The following PPP2R3C variants were observed in gnomAD, a reference collection of about 807,000 sequenced individuals.
PPP2R3C encodes the protein protein phosphatase 2 regulatory subunit B''gamma.
A neutral mutation model predicts 63.7 loss-of-function variants in PPP2R3C; 47 were observed. The observed-to-expected ratio is 0.74, with a 90% CI of 0.58 to 0.94. The LOEUF (loss-of-function observed/expected upper bound fraction) is 0.94, where lower values mean the gene tolerates loss of function less well. Among genes scored for constraint, PPP2R3C ranks in the 40% least tolerant of loss-of-function variants. The pLI, the probability that PPP2R3C is intolerant of heterozygous loss-of-function variation, is 0.00. For synonymous variants in PPP2R3C, 180 were observed against 177.4 expected (o/e 1.01, Z -0.12); for missense variants, 421 against 518.4 (o/e 0.81, Z 1.82).
In PPP2R3C at chr14:35,096,609, C is replaced by G. The variant is rs1419218661; in HGVS notation, c.787G>C (p.Glu263Gln). Residue 263 changes from glutamate to glutamine, a missense_variant, in exon 9 of 13, where the codon GAG (glutamate) becomes CAG (glutamine). Physicochemically the swap from Glu to Gln is conservative, Grantham distance 29. Transcript: ENST00000261475. ...LELRDEELSK[E>Q]SQETNWFSAP... ...GAAAACCAATTTGTTTCTTGACTCT[C>G]CTTGGACAGTTCCTCATCCCTTAGC... 2 of 1,613,820 alleles carry G rather than the reference C, an allele frequency of 1.2e-6. No individual in the cohort carries two copies. Among genetic ancestry groups the G allele is most frequent in the Non-Finnish European group, 1.7e-6 (2 of 1,179,884 alleles).
Position 35,096,495 on chromosome 14 carries a change from C to T in PPP2R3C, c.838+63G>A, listed in dbSNP as rs935582540. 7 of 1,469,776 alleles carry T rather than the reference C, an allele frequency of 4.8e-6. No homozygotes were observed. The African/African-American group carries it at 9.8e-5, about 21-fold the overall frequency. 91.0% of individuals were successfully genotyped at this position (1,469,776 alleles called of 1,614,324 possible). A position where few individuals can be genotyped will look rare whatever the true frequency, so the allele number is the denominator to read the frequency against. On this transcript the variant is annotated intron_variant, in intron 9 of 12. Coordinates refer to ENST00000261475, the MANE Select transcript of PPP2R3C (RefSeq NM_017917.4). Reference sequence around the variant, plus strand: ...ATATCAGTGTATGTATAAAACTGTCCTCTGAACACCAATTTCCTGAAGAAT... The same window carrying T: ...ATATCAGTGTATGTATAAAACTGTCTTCTGAACACCAATTTCCTGAAGAAT...
intron 6 of PPP2R3C, among the ~76,000 whole-genome samples, chr14:35,105,218 T>C (rs551618071): frequency 1.8e-3 from 270 of 152,094 alleles, no homozygotes; most frequent in African/African-American, 6.2e-3. Context: ...AGTCCGCTCT[T>C]GTCACCCAGG....
At chr14:35,121,703 T>C (rs1384111535) in intron 1 of PPP2R3C, 199 bp downstream of exon 1, 5 of 571,822 alleles carry the variant, frequency 8.7e-6, no homozygotes, top group Non-Finnish European at 1.6e-5. Context: ...AAGTTTTTCG[T>C]TCCTCTAGAT....
At chr14:35,120,957 A>AT (rs2046864266) in intron 1 of PPP2R3C, among the ~76,000 whole-genome samples, 1 of 152,054 alleles carries the variant, frequency 6.6e-6, no homozygotes, top group Admixed American at 6.6e-5. Flanking sequence ...GAAAAAAAAA[A>AT]GTGTATTTAG....
chr14:35,119,889 C>T (rs1371946694), intron 1 of PPP2R3C, among the ~76,000 whole-genome samples: 32 of 129,046 alleles, frequency 2.5e-4, no homozygotes, highest in African/African-American at 9.2e-4. Context: ...CTCGCTCTGT[C>T]GCCCAGGCTG....
At chr14:35,091,039 A>C in intron 11 of PPP2R3C, 31 bp downstream of exon 11, 1 of 1,574,774 alleles carries the variant, frequency 6.4e-7, no homozygotes. Context: ...ATCTTAAGGA[A>C]CAATGACTCA....
intron 11 of PPP2R3C, among the ~76,000 whole-genome samples, chr14:35,089,822 C>T (rs747964497): frequency 6.8e-4 from 98 of 144,996 alleles, no homozygotes; most frequent in Middle Eastern, 3.5e-3. Flanking sequence ...CCCGCCACCA[C>T]GCCCGGCTGA....
rs751185784 is a variant in PPP2R3C, at chr14:35,096,801, T to G, written c.707-37A>C. The G allele has an allele frequency of 1.9e-5, 29 of 1,518,994 alleles. No individual in the cohort carries two copies. In the Admixed American group the frequency reaches 6.6e-4, roughly 35 times the overall value. 94.1% of individuals were successfully genotyped at this position (1,518,994 alleles called of 1,614,324 possible). A position where few individuals can be genotyped will look rare whatever the true frequency, so the allele number is the denominator to read the frequency against. On this transcript the variant is annotated intron_variant, in intron 7 of 12. Transcript: ENST00000261475. ...TAAAGAAACACAATTAATTTCATTT[T>G]AAGAAAAGAGCAACTCAATTAATTA...
At chr14:35,105,784 G>T (rs565631374) in intron 6 of PPP2R3C, among the ~76,000 whole-genome samples, 4 of 152,154 alleles carry the variant, frequency 2.6e-5, no homozygotes, top group African/African-American at 9.6e-5. Context: ...TGAGCGCAGA[G>T]TATACTATGT....
chr14:35,096,412 A>C, intron 9 of PPP2R3C, 146 bp downstream of exon 9: 2 of 780,894 alleles, frequency 2.6e-6, no homozygotes, highest in South Asian at 1.8e-5. Flanking sequence ...TAAACAAGTA[A>C]ATTTTGGTAA....
At position 35,110,556 on chromosome 14, in the gene PPP2R3C, C is replaced by G; in HGVS notation, c.260G>C (p.Ser87Thr). 1 of 1,611,746 alleles carries G rather than the reference C, an allele frequency of 6.2e-7. No homozygotes were observed. Among genetic ancestry groups the G allele is most frequent in the Non-Finnish European group, 8.5e-7 (1 of 1,178,818 alleles). ...TTCTTCATTATCTAACAGTTCTCTG[C>G]TTTTTCTTTGTAGAAAGACAGCTCT... is the stretch of plus-strand genomic sequence containing the variant. The part of the protein sequence containing the change: ...ESRAVFLQRK[S>T]RELLDNEELQ... The change falls in exon 3 of 13, where the codon AGC becomes ACC. Residue 87 changes from serine (S) to threonine (T), a missense_variant. Ser to Thr is a moderately conservative substitution (Grantham distance 58, BLOSUM62 1). This residue lies in a region of PPP2R3C where 143 missense variants were observed against 151.2 expected (regional missense o/e 0.95). Coordinates refer to ENST00000261475, the MANE Select transcript of PPP2R3C (RefSeq NM_017917.4).
chr14:35,117,583 G>C (rs887999684), intron 1 of PPP2R3C, among the ~76,000 whole-genome samples: 2 of 152,056 alleles, frequency 1.3e-5, no homozygotes, highest in Non-Finnish European at 2.9e-5. Context: ...CTTGAATTCT[G>C]TGATCTATTT....
chr14:35,094,657 TAC>T (rs34870339), intron 10 of PPP2R3C, among the ~76,000 whole-genome samples: 68,735 of 150,056 alleles, frequency 0.46, 16,516 homozygotes, highest in Non-Finnish European at 0.52. Flanking sequence ...AAGACACTGT[TAC>T]ACAGTGATAT....
chr14:35,090,167 G>C (rs902853865), intron 11 of PPP2R3C, among the ~76,000 whole-genome samples: 16 of 150,524 alleles, frequency 1.1e-4, no homozygotes, highest in African/African-American at 3.9e-4. Context: ...TGAAAAACTT[G>C]TAAGATGCTA....
chr14:35,088,310 C>T (rs1030393217), intron 11 of PPP2R3C, among the ~76,000 whole-genome samples: 1 of 152,202 alleles, frequency 6.6e-6, no homozygotes, highest in African/African-American at 2.4e-5. Flanking sequence ...CAACCTCAAA[C>T]AGGCCCTCAG....
chr14:35,102,091 A>G (rs2046215777), intron 6 of PPP2R3C: 1 of 149,238 alleles, frequency 6.7e-6, no homozygotes, highest in Non-Finnish European at 1.5e-5. Flanking sequence ...CAGTGGCGCA[A>G]TCTCAGCTCA....
In PPP2R3C at chr14:35,099,355, G is replaced by C. The variant is rs147717349; in HGVS notation, c.603C>G (p.Ile201Met). 1.6e-5 allele frequency: 26 copies of C among 1,601,904 alleles called. No individual in the cohort carries two copies. The highest frequency in any genetic ancestry group is 2.2e-5 in the Non-Finnish European group (26 of 1,177,444). ...GACCATCTAATTGTGGCAACGTAGG[G>C]ATAAGTTCCAATATGTAGTTTTCTA... ...SDLENYILEL[I>M]PTLPQLDGLE... The change falls in exon 7 of 13, where the codon ATC becomes ATG. Residue 201 changes from isoleucine (I) to methionine (M), a missense_variant. By Grantham distance (10) the Ile-to-Met change is conservative (BLOSUM62 1). Coordinates refer to ENST00000261475, the MANE Select transcript of PPP2R3C (RefSeq NM_017917.4).
chr14:35,101,599 C>CA (rs1555313446), intron 6 of PPP2R3C: 1 of 152,152 alleles, frequency 6.6e-6, no homozygotes, highest in African/African-American at 2.4e-5. Context: ...AAAAATTACT[C>CA]AAACACTAAA....
At chr14:35,088,812 G>A (rs1327592602) in intron 11 of PPP2R3C, among the ~76,000 whole-genome samples, 1 of 152,150 alleles carries the variant, frequency 6.6e-6, no homozygotes, top group Non-Finnish European at 1.5e-5. Flanking sequence ...ATAGGGCTCA[G>A]CATTGGACAC....
Sources: gnomAD v4.1 joint callset for allele counts (sites outside exome capture counted in the v4.1 genomes callset) on GRCh38, gnomAD v4.1.1 for gene constraint, gnomAD v4.1.1 regional missense constraint, MANE v1.5 for transcripts, NCBI Gene and HGNC (gene_info 2026-07-23, HGNC 2026-07-21) for gene names.